Variants in SEC16B observed in about 807,000 individuals in gnomAD.
SEC16B encodes protein transport protein Sec16B.
A neutral mutation model predicts 141.8 loss-of-function variants in SEC16B; 115 were observed. The ratio of observed to expected loss-of-function variants is 0.81; its 90% confidence interval spans 0.70 to 0.95. The LOEUF (loss-of-function observed/expected upper bound fraction) is 0.95, where lower values mean the gene tolerates loss of function less well. Ranked by LOEUF, SEC16B falls within the 40% of genes least tolerant of loss-of-function variation. SEC16B has a pLI of 0.00. For synonymous variants in SEC16B, 493 were observed against 492.5 expected, an observed-to-expected ratio of 1.00 and a Z score of -0.01; for missense variants, 1,291 against 1,312.3, an observed-to-expected ratio of 0.98 and a Z score of 0.25.
chr1:177,968,865 C>T (rs926346582), intron 1 of SEC16B, among the ~76,000 whole-genome samples: 3 of 152,112 alleles, frequency 2.0e-5, no homozygotes, highest in South Asian at 2.1e-4. Flanking sequence ...GGATTCTTCC[C>T]GGTTGGAGAT....
chr1:177,936,110 G>A lies in SEC16B; in HGVS notation c.2571+188C>T, dbSNP rs552306448. Reference sequence around the variant, plus strand: ...TGGACACAGGTTTGTGGGGCTGAGCGTAAACAAGAACACAGCCTCCCGCCC... The same window carrying A: ...TGGACACAGGTTTGTGGGGCTGAGCATAAACAAGAACACAGCCTCCCGCCC... On this transcript the variant is annotated intron_variant, in intron 20 of 25. Coordinates refer to ENST00000308284, the MANE Select transcript of SEC16B (RefSeq NM_033127.4). 9.2e-5 allele frequency among the ~76,000 whole-genome samples: 14 copies of A among 152,294 alleles called. 1 individual carries two copies. The East Asian group carries it at 2.1e-3, about 23-fold the overall frequency.
chr1:177,954,897 G>A (rs746073807), intron 10 of SEC16B, among the ~76,000 whole-genome samples: 7 of 151,644 alleles, frequency 4.6e-5, no homozygotes, highest in East Asian at 1.9e-4. Context: ...AAATAAAAGC[G>A]TCATATACAA....
At chr1:177,948,509 T>C (rs1557976972) in intron 12 of SEC16B, 1 of 1,304,132 alleles carries the variant, frequency 7.7e-7, no homozygotes. Flanking sequence ...TCAAGCCAAG[T>C]GGCCCAGCTA....
chr1:177,973,380 G>C (rs1207930518), upstream of SEC16B: 3 of 152,190 alleles, frequency 2.0e-5, no homozygotes, highest in African/African-American at 7.2e-5. Context: ...TATCCACCAG[G>C]TAATGGAATG....
intron 1 of SEC16B, among the ~76,000 whole-genome samples, chr1:177,983,064 G>A (rs1654484470): frequency 6.6e-6 from 1 of 152,140 alleles, no homozygotes; most frequent in Non-Finnish European, 1.5e-5. Flanking sequence ...GGTGACATGT[G>A]AGATCCATTT....
At chr1:177,947,795 G>A (rs752266132) in intron 13 of SEC16B, 30 bp downstream of exon 13, 18 of 1,405,408 alleles carry the variant, frequency 1.3e-5, no homozygotes, top group Non-Finnish European at 1.7e-5. Flanking sequence ...ACAGGGAGGG[G>A]AGCGGAGGGG....
intron 8 of SEC16B, chr1:177,959,346 C>T (rs993593419): frequency 1.1e-5 from 3 of 278,184 alleles, no homozygotes; most frequent in Admixed American, 4.9e-5. Context: ...CAGCTTTGTC[C>T]CCTAAAATAG....
chr1:177,952,107 G>C (rs1300536606), intron 11 of SEC16B, 112 bp from the exon 12 acceptor site: 1 of 860,248 alleles, frequency 1.2e-6, no homozygotes, highest in African/African-American at 1.7e-5. Flanking sequence ...GCTTCCTTAG[G>C]AACATGAGCA....
In SEC16B at chr1:177,941,936, C is replaced by G; in HGVS notation, c.1986G>C (p.Glu662Asp). 1 of 1,614,018 alleles carries G rather than the reference C, an allele frequency of 6.2e-7. No homozygotes were observed. Residue 662 changes from glutamate (E) to aspartate (D), a missense_variant, in exon 16 of 26, where the codon GAG becomes GAC. Physicochemically the swap from Glu to Asp is conservative, Grantham distance 45 (BLOSUM62 2). This residue lies in a region of SEC16B where 605 missense variants were observed against 614.1 expected (regional missense o/e 0.99). Transcript: ENST00000308284. ...AIGAAVLSQG[E>D]SSHPVLLVEL... is the part of the protein sequence containing the mutation. ...CCACTAATAGCACAGGGTGACTGCT[C>G]TCTCCCTGGCTCAAGACAGCTGCAC...
rs376044643 is a variant in SEC16B, at chr1:177,932,727, G to A, written c.2903C>T (p.Pro968Leu). ...LTPSPESPPL[P>L]DVSAFSRGRG... ...GCCCCTGGAGAAGGCACTAACATCC[G>A]GCAGAGGTGGGGACTCAGGGGAAGG... The change falls in exon 23 of 26, where the codon CCG (proline) becomes CTG (leucine). Residue 968 changes from proline (P) to leucine (L), a missense_variant. This residue lies in a region of SEC16B where 605 missense variants were observed against 614.1 expected (regional missense o/e 0.99). Coordinates refer to ENST00000308284, the MANE Select transcript of SEC16B (RefSeq NM_033127.4). The A allele has an allele frequency of 2.2e-5, 36 of 1,604,868 alleles. No individual in the cohort carries two copies. The highest frequency in any genetic ancestry group is 2.1e-4 in the South Asian group (19 of 88,904).
chr1:177,946,469 G>T lies in SEC16B; in HGVS notation c.1726C>A (p.His576Asn). ...AGATGGTCTGTCTTCACGGTGTAGT[G>T]GCCAAAGGGCACGTGAGCCATGAGA... ...CYLMAHVPFG[H>N]YTVKTDHLVL... The change falls in exon 14 of 26, where the codon CAC becomes AAC. Residue 576 changes from histidine to asparagine, a missense_variant. Coordinates refer to ENST00000308284, the MANE Select transcript of SEC16B (RefSeq NM_033127.4). 1 of 1,585,058 alleles carries T rather than the reference G, an allele frequency of 6.3e-7. No homozygotes were observed. The highest frequency in any genetic ancestry group is 1.2e-5 in the South Asian group (1 of 86,340).
At chr1:177,942,238 C>G (rs535373441) in intron 15 of SEC16B, among the ~76,000 whole-genome samples, 198 bp from the exon 16 acceptor site, 1 of 152,356 alleles carries the variant, frequency 6.6e-6, no homozygotes, top group African/African-American at 2.4e-5. Flanking sequence ...TCCTGCATTA[C>G]AGAGAAAAGA....
chr1:177,956,608 C>T (rs1652622626), intron 10 of SEC16B, among the ~76,000 whole-genome samples: 2 of 152,032 alleles, frequency 1.3e-5, no homozygotes, highest in South Asian at 4.1e-4. Context: ...TATCCAAATA[C>T]TTAAATTTTT....
At chr1:177,930,065 C>A in intron 25 of SEC16B, 136 bp from the exon 26 acceptor site, 1 of 786,964 alleles carries the variant, frequency 1.3e-6, no homozygotes, top group Non-Finnish European at 2.0e-6. Context: ...TAATTGCGTA[C>A]CTCCACCCAA....
At chr1:177,960,128 C>G (rs185927053) in intron 8 of SEC16B, 1 of 562,664 alleles carries the variant, frequency 1.8e-6, no homozygotes, top group African/African-American at 1.9e-5. Flanking sequence ...AACTGTCATG[C>G]TAATTTTTCT....
At chr1:177,958,483 A>T (rs1442555724) in intron 9 of SEC16B, 121 bp from the exon 10 acceptor site, 1 of 725,254 alleles carries the variant, frequency 1.4e-6, no homozygotes, top group Non-Finnish European at 2.2e-6. Context: ...TTATGCAAAC[A>T]TAAGGCAGTC....
In SEC16B at chr1:177,947,946, A is replaced by T. The variant is rs1294765385; in HGVS notation, c.1546-4T>A. Reference sequence around the variant, plus strand: ...CCCACTGCTTTTCTCCACAACACTGAAAAGCACCAGAAAAAATAAATGTAC... The same window carrying T: ...CCCACTGCTTTTCTCCACAACACTGTAAAGCACCAGAAAAAATAAATGTAC... On this transcript the variant is annotated splice_polypyrimidine_tract_variant and splice_region_variant and intron_variant, in intron 12 of 25. Coordinates refer to ENST00000308284, the MANE Select transcript of SEC16B (RefSeq NM_033127.4). The T allele has an allele frequency of 2.0e-6, 3 of 1,537,796 alleles. No homozygotes were observed. Among genetic ancestry groups the T allele is most frequent in the East Asian group, 2.4e-5 (1 of 40,910 alleles).
chr1:177,939,300 C>T (rs905215360), intron 18 of SEC16B, among the ~76,000 whole-genome samples: 4 of 152,204 alleles, frequency 2.6e-5, no homozygotes, highest in Non-Finnish European at 5.9e-5. Context: ...ATCTGGCAAT[C>T]ACTAGCTCAA....
chr1:177,961,752 A>G lies in SEC16B; in HGVS notation c.643-18T>C, dbSNP rs761189365. 1 of 1,612,366 alleles carries G rather than the reference A, an allele frequency of 6.2e-7. No homozygotes were observed. ...AATGATGGCTGAAAGTTAAAAACAA[A>G]AACACACAGGAAGAAGTTTCAGAGA... On this transcript the variant is annotated intron_variant, in intron 5 of 25. Coordinates refer to ENST00000308284, the MANE Select transcript of SEC16B (RefSeq NM_033127.4).
Sources: gnomAD v4.1 joint callset for allele counts (sites outside exome capture counted in the v4.1 genomes callset) on GRCh38, gnomAD v4.1.1 for gene constraint, gnomAD v4.1.1 regional missense constraint, MANE v1.5 for transcripts, NCBI Gene and HGNC (gene_info 2026-07-23, HGNC 2026-07-21) for gene names.